Variants in MTCL2 observed in about 807,000 individuals in gnomAD.
MTCL2 encodes the protein microtubule crosslinking factor 2, also known as microtubule cross-linking factor 2.
chr20:36,791,205 T>C, the MTCL2 span, among the ~76,000 whole-genome samples: 4 of 152,010 alleles, frequency 2.6e-5, no homozygotes, highest in Non-Finnish European at 5.9e-5. Context: ...CGGCTAATTT[T>C]TGTATTTTTA....
chr20:36,782,821 C>T, the MTCL2 span: 1 of 152,556 alleles, frequency 6.6e-6, no homozygotes, highest in East Asian at 1.9e-4. Flanking sequence ...AGGCGTGAGC[C>T]ACCATGCCCG....
the MTCL2 span, chr20:36,797,634 C>T: frequency 6.8e-7 from 1 of 1,462,976 alleles, no homozygotes; most frequent in Non-Finnish European, 9.4e-7. Flanking sequence ...GGACCCTGCT[C>T]TAAGCAAGGC....
chr20:36,818,126 A>G, the MTCL2 span, among the ~76,000 whole-genome samples: 1 of 152,226 alleles, frequency 6.6e-6, no homozygotes, highest in Admixed American at 6.5e-5. Context: ...GGTGTAATTC[A>G]GCTTCCAGCT....
the MTCL2 span, chr20:36,785,490 T>C: frequency 3.0e-6 from 3 of 985,448 alleles, no homozygotes; most frequent in South Asian, 4.7e-5. Context: ...CTCTGGCCTC[T>C]TGGTGTTCTC....
the MTCL2 span, among the ~76,000 whole-genome samples, chr20:36,856,520 A>G: frequency 1.3e-5 from 2 of 152,254 alleles, no homozygotes. Context: ...TTCTGTGGGC[A>G]GCTCGACAAT....
chr20:36,802,920 C>T, the MTCL2 span: 22 of 1,571,954 alleles, frequency 1.4e-5, no homozygotes, highest in East Asian at 1.2e-4. Flanking sequence ...ACCCTGCAGC[C>T]GCTCCACCAG....
chr20:36,785,990 C>T, the MTCL2 span: 1 of 986,800 alleles, frequency 1.0e-6, no homozygotes, highest in Non-Finnish European at 1.2e-6. Context: ...CCCAACAGGG[C>T]TCCACCAGGA....
chr20:36,825,399 G>T, the MTCL2 span, among the ~76,000 whole-genome samples: 2 of 152,328 alleles, frequency 1.3e-5, no homozygotes, highest in East Asian at 1.9e-4. Context: ...TGTGGTCAAG[G>T]CTTCTGTGGT....
chr20:36,855,528 G>A, the MTCL2 span, among the ~76,000 whole-genome samples: 30 of 152,332 alleles, frequency 2.0e-4, no homozygotes, highest in African/African-American at 7.0e-4. Flanking sequence ...GGCACCAAGG[G>A]GAGTGAACGT....
At chr20:36,840,624 C>T in the MTCL2 span, among the ~76,000 whole-genome samples, 142 of 151,640 alleles carry the variant, frequency 9.4e-4, 1 homozygote, top group African/African-American at 3.3e-3. Context: ...CTGAGATGGG[C>T]GGATCACGAG....
the MTCL2 span, chr20:36,812,890 G>T: frequency 1.3e-6 from 2 of 1,573,734 alleles, no homozygotes; most frequent in Non-Finnish European, 1.7e-6. Flanking sequence ...TCACCATGGG[G>T]AGGGGCCCGA....
chr20:36,809,141 AG>A, the MTCL2 span, among the ~76,000 whole-genome samples: 4 of 152,304 alleles, frequency 2.6e-5, no homozygotes, highest in South Asian at 8.3e-4. Context: ...GCAACACCCT[AG>A]GAAGCAATGC....
At chr20:36,828,657 A>T in the MTCL2 span, 1 of 173,352 alleles carries the variant, frequency 5.8e-6, no homozygotes, top group African/African-American at 2.4e-5. Flanking sequence ...CCTCACAATG[A>T]CTCAGGGCAC....
the MTCL2 span, among the ~76,000 whole-genome samples, chr20:36,819,913 A>G: frequency 2.2e-4 from 34 of 152,316 alleles, no homozygotes; most frequent in Non-Finnish European, 4.3e-4. Context: ...GGAAGGGAAG[A>G]GGAGGAAACA....
the MTCL2 span, chr20:36,777,714 C>A: frequency 1.9e-6 from 1 of 518,836 alleles, no homozygotes; most frequent in Non-Finnish European, 3.5e-6. Flanking sequence ...CCCTGGGGGT[C>A]CCCCAGGGCC....
the MTCL2 span, among the ~76,000 whole-genome samples, chr20:36,851,374 T>A: frequency 2.0e-4 from 31 of 152,124 alleles, no homozygotes; most frequent in African/African-American, 7.2e-4. Context: ...AAAACCCAAA[T>A]CCCATCGTAC....
the MTCL2 span, among the ~76,000 whole-genome samples, chr20:36,798,116 C>A: frequency 1.3e-5 from 2 of 151,806 alleles, no homozygotes. Flanking sequence ...GTTGTCCAGA[C>A]TGGAGTGCTG....
chr20:36,777,656 A>C, the MTCL2 span: 1 of 484,632 alleles, frequency 2.1e-6, no homozygotes, highest in East Asian at 3.6e-5. Context: ...AGAGAGGTGG[A>C]CAGTTGGCCC....
chr20:36,858,463 AACACACACACACACACACACAC>A, the MTCL2 span, among the ~76,000 whole-genome samples: 22 of 25,808 alleles, frequency 8.5e-4, 1 homozygote, highest in South Asian at 5.6e-3. Context: ...AAGGAGGGAA[AACACACACACACACACACACAC>A]ACACACACAC....
Sources: allele counts gnomAD v4.1 joint callset (sites outside exome capture counted in the v4.1 genomes callset), GRCh38; gene constraint gnomAD v4.1.1; transcripts MANE v1.5; gene names NCBI Gene and HGNC (gene_info 2026-07-23, HGNC 2026-07-21).